Variants in C9 observed in about 807,000 individuals in gnomAD.
C9 encodes complement component C9.
A neutral mutation model predicts 65.4 loss-of-function variants in C9; 63 were observed. The observed-to-expected ratio is 0.96, with a 90% CI of 0.79 to 1.19. The LOEUF (loss-of-function observed/expected upper bound fraction) is 1.19. C9 is among the 50% of genes most tolerant of loss of function. The pLI is 0.00. For synonymous variants in C9, 229 were observed against 227.9 expected, an observed-to-expected ratio of 1.00 and a Z score of -0.04; for missense variants, 744 against 670.1, an observed-to-expected ratio of 1.11 and a Z score of -1.22.
chr5:39,329,275 C>T (rs1753803907), intron 5 of C9, among the ~76,000 whole-genome samples: 1 of 152,164 alleles, frequency 6.6e-6, no homozygotes, highest in Non-Finnish European at 1.5e-5. Context: ...ATGTACCTAG[C>T]TTTGGCTAAG....
In C9 at chr5:39,341,680, C is replaced by T. The variant is rs746782293; in HGVS notation, c.204G>A (p.Glu68=). The change falls in exon 3 of 11, where the codon GAG becomes GAA. Residue 68 remains glutamate, a synonymous_variant. Coordinates refer to ENST00000263408, the MANE Select transcript of C9 (RefSeq NM_001737.5). ...TTTTCCCATTAAATTGTCCAAAGACCTCAATGCTTCTTGAACGAAACTGCA... is the reference window on the plus strand; with the variant it reads ...TTTTCCCATTAAATTGTCCAAAGACTTCAATGCTTCTTGAACGAAACTGCA... ...LRQMFRSRSI[E]VFGQFNGKRC... The T allele has an allele frequency of 6.2e-7, 1 of 1,614,106 alleles. No homozygotes were observed. The highest frequency in any genetic ancestry group is 8.5e-7 in the Non-Finnish European group (1 of 1,179,960).
intron 9 of C9, 34 bp downstream of exon 9, chr5:39,306,583 C>G (rs755538716): frequency 1.3e-6 from 2 of 1,529,132 alleles, no homozygotes; most frequent in Admixed American, 3.3e-5. Context: ...AAAAATGACA[C>G]AGTCTTCTGT....
intron 6 of C9, among the ~76,000 whole-genome samples, chr5:39,313,988 T>C (rs1172619613): frequency 6.6e-6 from 1 of 152,194 alleles, no homozygotes; most frequent in Non-Finnish European, 1.5e-5. Flanking sequence ...GACTTATGTT[T>C]GACTCTATAA....
intron 4 of C9, among the ~76,000 whole-genome samples, chr5:39,334,389 TGAG>T (rs1276992167): frequency 5.4e-5 from 8 of 147,628 alleles, no homozygotes; most frequent in Non-Finnish European, 1.0e-4. Context: ...CCGCCCCGTC[TGAG>T]AAGTGAGGAG....
intron 1 of C9, among the ~76,000 whole-genome samples, chr5:39,356,276 C>T (rs1561356665): frequency 6.6e-6 from 1 of 152,188 alleles, no homozygotes; most frequent in Non-Finnish European, 1.5e-5. Flanking sequence ...GGTCTAGACT[C>T]GACAACTCTT....
intron 5 of C9, among the ~76,000 whole-genome samples, chr5:39,316,976 C>T (rs1433888499): frequency 1.3e-5 from 2 of 151,890 alleles, no homozygotes; most frequent in South Asian, 2.1e-4. Context: ...ACTGTAAAAG[C>T]GTTCCTTTTC....
intron 9 of C9, among the ~76,000 whole-genome samples, chr5:39,296,075 A>G (rs1401332444): frequency 6.6e-6 from 1 of 151,730 alleles, no homozygotes; most frequent in Non-Finnish European, 1.5e-5. Flanking sequence ...CTATAAAACT[A>G]CTGGAAGAAA....
intron 5 of C9, among the ~76,000 whole-genome samples, chr5:39,325,606 C>T (rs538325661): frequency 3.4e-4 from 52 of 152,162 alleles, no homozygotes; most frequent in African/African-American, 1.3e-3. Context: ...AATCCCATCT[C>T]TACTAAAATA....
At chr5:39,360,517 G>A (rs866027975) in intron 1 of C9, among the ~76,000 whole-genome samples, 1 of 152,042 alleles carries the variant, frequency 6.6e-6, no homozygotes, top group African/African-American at 2.4e-5. Flanking sequence ...AAAGTCAAAG[G>A]AAGAATGACA....
At chr5:39,359,042 G>T (rs1754466263) in intron 1 of C9, among the ~76,000 whole-genome samples, 7 of 143,066 alleles carry the variant, frequency 4.9e-5, no homozygotes, top group Admixed American at 4.3e-4. Flanking sequence ...ATATATGTGT[G>T]TGTGTGTATA....
intron 1 of C9, among the ~76,000 whole-genome samples, chr5:39,351,287 G>A (rs1005108649): frequency 1.3e-5 from 2 of 152,158 alleles, no homozygotes; most frequent in African/African-American, 4.8e-5. Context: ...GATGGAAGGG[G>A]CTACCACAAA....
chr5:39,341,752 A>T, intron 2 of C9, 52 bp from the exon 3 acceptor site: 1 of 1,571,146 alleles, frequency 6.4e-7, no homozygotes, highest in Non-Finnish European at 8.8e-7. Flanking sequence ...AAAAAAGGGT[A>T]TGGTCTAAAG....
chr5:39,311,411 G>C (rs376532854), intron 6 of C9, 34 bp from the exon 7 acceptor site: 2 of 1,602,056 alleles, frequency 1.2e-6, no homozygotes, highest in African/African-American at 2.7e-5. Flanking sequence ...AGAGAAACAT[G>C]TGTTTTATCC....
chr5:39,342,484 G>T (rs1754105580), intron 1 of C9, among the ~76,000 whole-genome samples: 1 of 152,080 alleles, frequency 6.6e-6, no homozygotes, highest in Non-Finnish European at 1.5e-5. Context: ...CATCTTTCCA[G>T]GTGTTTTACA....
chr5:39,295,705 A>G (rs1179361624), intron 9 of C9, among the ~76,000 whole-genome samples: 1 of 151,766 alleles, frequency 6.6e-6, no homozygotes, highest in Non-Finnish European at 1.5e-5. Context: ...AAGACCTCAA[A>G]TAGCCAAAGC....
At chr5:39,360,277 T>TATA (rs1754492726) in intron 1 of C9, among the ~76,000 whole-genome samples, 1 of 152,122 alleles carries the variant, frequency 6.6e-6, no homozygotes, top group South Asian at 2.1e-4. Flanking sequence ...TTATTATTAT[T>TATA]ATACTTTAAA....
intron 1 of C9, among the ~76,000 whole-genome samples, chr5:39,349,311 CTCCTT>C (rs1239801745): frequency 6.6e-6 from 1 of 152,056 alleles, no homozygotes; most frequent in African/African-American, 2.4e-5. Flanking sequence ...TCTCTACTAT[CTCCTT>C]TCCATTTGTA....
Position 39,285,135 on chromosome 5 carries a change from A to G in C9, c.*64T>C, listed in dbSNP as rs1023114526. On this transcript the variant is annotated 3_prime_UTR_variant, in exon 11 of 11. Coordinates refer to ENST00000263408, the MANE Select transcript of C9 (RefSeq NM_001737.5). Reference sequence around the variant, plus strand: ...TTACTTGGCAGCTAAGATTATCTTCAGGGGTAGGATCTGAAGGTACTAGTG... The same window carrying G: ...TTACTTGGCAGCTAAGATTATCTTCGGGGGTAGGATCTGAAGGTACTAGTG... The G allele has an allele frequency of 9.9e-6, 13 of 1,311,580 alleles. No homozygotes were observed. Among genetic ancestry groups the G allele is most frequent in the African/African-American group, 1.5e-5 (1 of 68,814 alleles). The allele number at this position is 1,311,580 out of a possible 1,614,324, so 81.2% of individuals were successfully genotyped here.
intron 1 of C9, among the ~76,000 whole-genome samples, chr5:39,350,997 C>T (rs1228890491): frequency 6.6e-6 from 1 of 152,230 alleles, no homozygotes; most frequent in Non-Finnish European, 1.5e-5. Context: ...TCTGCCTGGA[C>T]ATCCAGGCAT....
Sources: allele counts gnomAD v4.1 joint callset (sites outside exome capture counted in the v4.1 genomes callset), GRCh38; gene constraint gnomAD v4.1.1; transcripts MANE v1.5; gene names NCBI Gene and HGNC (gene_info 2026-07-23, HGNC 2026-07-21).